SEC14L5: variants seen among roughly 807,000 people sequenced by gnomAD.
The protein encoded by SEC14L5 is SEC14-like protein 5.
Under a neutral mutation model 84.6 loss-of-function variants are expected in SEC14L5, and 96 were observed. The ratio of observed to expected loss-of-function variants is 1.13; its 90% confidence interval spans 0.96 to 1.34. The LOEUF is 1.34. Ranked by LOEUF, SEC14L5 falls within the 40% of genes most tolerant of loss-of-function variation. The pLI is 0.00. For missense variants in SEC14L5, 1,224 were observed against 942.5 expected (o/e 1.30, Z -3.91); for synonymous variants, 546 against 383.4 (o/e 1.42, Z -4.95).
chr16:4,991,941 A>G lies in SEC14L5; in HGVS notation c.578A>G (p.Asn193Ser). 6.2e-7 allele frequency: 1 copy of G among 1,600,558 alleles called. No individual in the cohort carries two copies. The highest frequency in any genetic ancestry group is 8.5e-7 in the Non-Finnish European group (1 of 1,176,758). The change falls in exon 6 of 16, where the codon AAC (asparagine) becomes AGC (serine). Residue 193 changes from asparagine to serine, a missense_variant. Asn to Ser is a conservative substitution (Grantham distance 46). Coordinates refer to ENST00000251170, the MANE Select transcript of SEC14L5 (RefSeq NM_014692.2). ...CCAGTCCGTGAGGAGGATGCCCGCA[A>G]CCAGGCTGGACCGAGGGACCCCAGC... ...PAPVREEDAR[N>S]QAGPRDPSSL...
intron 13 of SEC14L5, 83 bp downstream of exon 13, chr16:5,007,569 A>T: frequency 9.3e-6 from 9 of 970,124 alleles, no homozygotes; most frequent in Non-Finnish European, 1.4e-5. Flanking sequence ...ACAGCTTGAG[A>T]TGAGGATTCT....
At position 4,988,832 on chromosome 16, in the gene SEC14L5, G is replaced by C. The variant is rs114206763; in HGVS notation, c.345+552G>C. Among the ~76,000 whole-genome samples the C allele has an allele frequency of 7.5e-3, 1,144 of 152,376 alleles. 13 individuals carry two copies. Among genetic ancestry groups the C allele is most frequent in the African/African-American group, 0.025 (1,045 of 41,590 alleles). ...TACTATGTGCCAGGCACCCTGCCAA[G>C]TGATGAGCACCCAGCAGTGGACCAG... On this transcript the variant is annotated intron_variant, in intron 4 of 15. Transcript: ENST00000251170.
intron 11 of SEC14L5, among the ~76,000 whole-genome samples, chr16:5,004,078 C>T (rs573430295): frequency 6.6e-6 from 1 of 152,338 alleles, no homozygotes; most frequent in African/African-American, 2.4e-5. Flanking sequence ...AGGCTGGACC[C>T]AGCTTGATGC....
chr16:4,976,658 C>G (rs914895484), intron 2 of SEC14L5, among the ~76,000 whole-genome samples: 3 of 152,252 alleles, frequency 2.0e-5, no homozygotes, highest in Admixed American at 6.5e-5. Flanking sequence ...GATGGGGACC[C>G]GTAAGAGGCA....
In SEC14L5 at chr16:5,001,381, C is replaced by T. The variant is rs376789150; in HGVS notation, c.1130+456C>T. 3.7e-4 allele frequency among the ~76,000 whole-genome samples: 56 copies of T among 152,006 alleles called. No individual in the cohort carries two copies. In the East Asian group the frequency reaches 8.0e-3, roughly 22 times the overall value. ...TCAAGCGATTCTCCTGCCTCAGCCTCCAGAGTAGCTGGGACTACAGGCACC... is the reference window on the plus strand; with the variant it reads ...TCAAGCGATTCTCCTGCCTCAGCCTTCAGAGTAGCTGGGACTACAGGCACC... On this transcript the variant is annotated intron_variant, in intron 10 of 15. Coordinates refer to ENST00000251170, the MANE Select transcript of SEC14L5 (RefSeq NM_014692.2).
In SEC14L5 at chr16:4,987,539, C is replaced by G; in HGVS notation, c.64-18C>G. ...CTGCCCCCCCCACCACGGCCGCTCACTGCCGCTCTGCCCCCAGGCCTACGA... is the reference window on the plus strand; with the variant it reads ...CTGCCCCCCCCACCACGGCCGCTCAGTGCCGCTCTGCCCCCAGGCCTACGA... On this transcript the variant is annotated intron_variant, in intron 2 of 15. Coordinates refer to ENST00000251170, the MANE Select transcript of SEC14L5 (RefSeq NM_014692.2). 6.5e-7 allele frequency: 1 copy of G among 1,535,780 alleles called. No individual in the cohort carries two copies. The highest frequency in any genetic ancestry group is 8.8e-7 in the Non-Finnish European group (1 of 1,140,904).
intron 6 of SEC14L5, among the ~76,000 whole-genome samples, chr16:4,992,910 A>T (rs965429267): frequency 2.6e-5 from 4 of 152,256 alleles, no homozygotes; most frequent in Admixed American, 6.5e-5. Flanking sequence ...GTGAGAACAT[A>T]TACATTCCAT....
At chr16:4,976,562 T>G (rs1250623571) in intron 2 of SEC14L5, among the ~76,000 whole-genome samples, 3 of 152,204 alleles carry the variant, frequency 2.0e-5, no homozygotes, top group Non-Finnish European at 2.9e-5. Flanking sequence ...CAGCCTGGAA[T>G]TGGGCAAGTC....
intron 2 of SEC14L5, among the ~76,000 whole-genome samples, chr16:4,979,475 G>T (rs1235040332): frequency 2.6e-5 from 4 of 152,204 alleles, no homozygotes; most frequent in Admixed American, 2.6e-4. Flanking sequence ...AGTGAGCCCA[G>T]TGTATGCCTC....
chr16:4,991,959 ACCCCAGCTCCCTGGAGGCCCACGGGC>A lies in SEC14L5; in HGVS notation c.600_625del (p.Ser201Ter). The A allele has an allele frequency of 6.3e-7, 1 of 1,595,292 alleles. No individual in the cohort carries two copies. The highest frequency in any genetic ancestry group is 8.5e-7 in the Non-Finnish European group (1 of 1,174,910). On this transcript the variant is annotated frameshift_variant, in exon 6 of 16. Coordinates refer to ENST00000251170, the MANE Select transcript of SEC14L5 (RefSeq NM_014692.2). LOFTEE classifies it high-confidence loss of function. ...GCCCGCAACCAGGCTGGACCGAGGG[ACCCCAGCTCCCTGGAGGCCCACGGGC>A]CCCGTAGCACCCTGGGGCCCGCTCT...
intron 2 of SEC14L5, among the ~76,000 whole-genome samples, chr16:4,986,864 A>G (rs996662328): frequency 6.6e-6 from 1 of 152,070 alleles, no homozygotes; most frequent in Non-Finnish European, 1.5e-5. Context: ...TGATTTTTCT[A>G]TATTGGTTTT....
intron 6 of SEC14L5, among the ~76,000 whole-genome samples, chr16:4,994,552 C>G (rs1480455662): frequency 6.6e-6 from 1 of 152,138 alleles, no homozygotes; most frequent in East Asian, 1.9e-4. Context: ...CCATGTTGGC[C>G]ATGCTGGTCT....
intron 2 of SEC14L5, among the ~76,000 whole-genome samples, chr16:4,984,383 G>C (rs887817827): frequency 1.3e-5 from 2 of 152,170 alleles, no homozygotes; most frequent in Non-Finnish European, 2.9e-5. Flanking sequence ...TCCTTTTTAA[G>C]GCTGTATAAT....
Position 5,017,990 on chromosome 16 carries a change from T to C in SEC14L5, c.*3020T>C, listed in dbSNP as rs1567133921. On this transcript the variant is annotated 3_prime_UTR_variant, in exon 16 of 16. Coordinates refer to ENST00000251170, the MANE Select transcript of SEC14L5 (RefSeq NM_014692.2). ...AACCCACAAGCAGCATTACTGTTGG[T>C]GTTTGGGCACCTGGGCCTTGAATTT... 6.6e-6 allele frequency: 1 copy of C among 152,282 alleles called. No homozygotes were observed. The highest frequency in any genetic ancestry group is 1.5e-5 in the Non-Finnish European group (1 of 68,066). The allele number at this position is 152,282 out of a possible 1,614,324, so 9.4% of individuals were successfully genotyped here. A position where few individuals can be genotyped will look rare whatever the true frequency, so the allele number is the denominator to read the frequency against.
intron 2 of SEC14L5, among the ~76,000 whole-genome samples, chr16:4,967,549 TTTTC>T (rs754254502): frequency 6.8e-6 from 1 of 146,712 alleles, no homozygotes; most frequent in African/African-American, 2.5e-5. Flanking sequence ...TGGCTCTGAC[TTTTC>T]TTTCTTTCGT....
chr16:5,002,112 G>T (rs1386599455), intron 10 of SEC14L5, among the ~76,000 whole-genome samples: 1 of 152,158 alleles, frequency 6.6e-6, no homozygotes, highest in Non-Finnish European at 1.5e-5. Context: ...AATAATAAGG[G>T]TTTAAAAATA....
At chr16:5,006,896 C>G (rs141597970) in intron 12 of SEC14L5, among the ~76,000 whole-genome samples, 113 of 152,060 alleles carry the variant, frequency 7.4e-4, no homozygotes, top group Admixed American at 2.2e-3. Flanking sequence ...GCCTGGCCAT[C>G]TAGGGTGCCT....
chr16:5,012,018 C>T (rs1558559), intron 15 of SEC14L5, among the ~76,000 whole-genome samples: 70,135 of 152,020 alleles, frequency 0.46, 17,094 homozygotes, highest in African/African-American at 0.64. Flanking sequence ...AATTCTTTCC[C>T]GTGGGGGTAA....
intron 2 of SEC14L5, among the ~76,000 whole-genome samples, chr16:4,983,523 A>T (rs1231694880): frequency 6.0e-5 from 9 of 149,858 alleles, no homozygotes; most frequent in Non-Finnish European, 1.3e-4. Context: ...CACTATATAA[A>T]TTGTGTATAT....
Sources: gnomAD v4.1 joint callset for allele counts (sites outside exome capture counted in the v4.1 genomes callset) on GRCh38, gnomAD v4.1.1 for gene constraint, MANE v1.5 for transcripts, NCBI Gene and HGNC (gene_info 2026-07-23, HGNC 2026-07-21) for gene names.